The following PCDH7 variants were observed in gnomAD, a reference collection of about 807,000 sequenced individuals.
The protein encoded by PCDH7 is protocadherin 7.
Under a neutral mutation model 58.9 loss-of-function variants are expected in PCDH7, and 17 were observed. That is an observed-to-expected ratio of 0.29 (90% CI 0.20 to 0.43). The LOEUF (loss-of-function observed/expected upper bound fraction) is 0.43. Ranked by LOEUF, PCDH7 falls within the 20% of genes least tolerant of loss-of-function variation. PCDH7 has a pLI of 1.00. For missense variants in PCDH7, 1,274 were observed against 1,441.0 expected (o/e 0.88, Z 1.88); for synonymous variants, 664 against 616.4 (o/e 1.08, Z -1.14).
chr4:30,759,197 C>G (rs1414812360), intron 1 of PCDH7, among the ~76,000 whole-genome samples: 2 of 152,146 alleles, frequency 1.3e-5, no homozygotes, highest in Non-Finnish European at 2.9e-5. Context: ...CCGCCCTGGC[C>G]TCCCAAAGTG....
intron 1 of PCDH7, among the ~76,000 whole-genome samples, chr4:30,911,908 T>C (rs1741825802): frequency 6.6e-6 from 1 of 152,158 alleles, no homozygotes; most frequent in Admixed American, 6.6e-5. Flanking sequence ...TTAATATCAT[T>C]GTTTTGTTGC....
intron 1 of PCDH7, among the ~76,000 whole-genome samples, chr4:30,781,080 G>A (rs1258786566): frequency 6.6e-6 from 1 of 152,108 alleles, no homozygotes; most frequent in Non-Finnish European, 1.5e-5. Flanking sequence ...ATGGTGCTTT[G>A]TATTTCCTTC....
chr4:30,724,490 A>G (rs1470051849), exon 1 of PCDH7: 1 of 1,614,144 alleles, frequency 6.2e-7, no homozygotes, highest in Admixed American at 1.7e-5. Flanking sequence ...GCCGTACAAG[A>G]TCTACCACCA....
downstream of PCDH7, among the ~76,000 whole-genome samples, chr4:30,736,022 G>A (rs1424672077): frequency 2.0e-5 from 3 of 152,088 alleles, no homozygotes; most frequent in Non-Finnish European, 4.4e-5. Flanking sequence ...AGAAGAAAAA[G>A]GGGAAAAAGA....
At chr4:30,740,474 T>C (rs1242077165) in intron 1 of PCDH7, among the ~76,000 whole-genome samples, 1 of 152,172 alleles carries the variant, frequency 6.6e-6, no homozygotes. Flanking sequence ...TTTATTTCAA[T>C]ATTCTTCAAT....
intron 3 of PCDH7, among the ~76,000 whole-genome samples, chr4:31,066,056 C>T (rs183986391): frequency 8.6e-4 from 130 of 151,982 alleles, no homozygotes; most frequent in African/African-American, 3.1e-3. Context: ...TTCTATCACA[C>T]TAACCAATGA....
intron 3 of PCDH7, among the ~76,000 whole-genome samples, chr4:31,010,743 A>G (rs1753107255): frequency 6.6e-6 from 1 of 152,022 alleles, no homozygotes; most frequent in Non-Finnish European, 1.5e-5. Flanking sequence ...TTCAAAAACA[A>G]GGCAGGTAGG....
intron 2 of PCDH7, among the ~76,000 whole-genome samples, chr4:30,924,114 A>T: frequency 6.6e-6 from 1 of 152,164 alleles, no homozygotes; most frequent in East Asian, 1.9e-4. Flanking sequence ...CTTTAGGTCT[A>T]TTGTATTTAT....
At chr4:30,853,170 T>C (rs1732998355) in intron 1 of PCDH7, among the ~76,000 whole-genome samples, 1 of 152,078 alleles carries the variant, frequency 6.6e-6, no homozygotes, top group South Asian at 2.1e-4. Flanking sequence ...ACTAGGCCTT[T>C]GGAGTCAGAG....
At chr4:31,112,230 T>A (rs1463834092) in intron 3 of PCDH7, among the ~76,000 whole-genome samples, 1 of 152,184 alleles carries the variant, frequency 6.6e-6, no homozygotes, top group Non-Finnish European at 1.5e-5. Flanking sequence ...TGTCTTTCCT[T>A]AAGCAAACAA....
intron 3 of PCDH7, among the ~76,000 whole-genome samples, chr4:30,980,793 A>T (rs1405503306): frequency 6.6e-6 from 1 of 152,166 alleles, no homozygotes; most frequent in Non-Finnish European, 1.5e-5. Context: ...ACTAAATAGA[A>T]ATTTCTATCA....
intron 1 of PCDH7, among the ~76,000 whole-genome samples, chr4:30,823,301 C>CA (rs1188167458): frequency 3.3e-5 from 5 of 152,156 alleles, no homozygotes; most frequent in Admixed American, 3.3e-4. Flanking sequence ...TGGTATTTCT[C>CA]ATAGCTTGAC....
chr4:30,737,263 A>G (rs1039759784), downstream of PCDH7, among the ~76,000 whole-genome samples: 3 of 152,214 alleles, frequency 2.0e-5, no homozygotes, highest in Non-Finnish European at 4.4e-5. Flanking sequence ...TTGAAGCACT[A>G]AAGCAACTGA....
intron 3 of PCDH7, among the ~76,000 whole-genome samples, chr4:31,132,429 C>T (rs1475705169): frequency 1.3e-5 from 2 of 151,960 alleles, no homozygotes; most frequent in African/African-American, 4.8e-5. Flanking sequence ...AACATCCATT[C>T]CTGAAGGCAA....
At chr4:30,972,896 G>A (rs1035287415) in intron 3 of PCDH7, among the ~76,000 whole-genome samples, 1 of 152,074 alleles carries the variant, frequency 6.6e-6, no homozygotes, top group African/African-American at 2.4e-5. Context: ...CACCTTTCTT[G>A]CCATTGTGTT....
At chr4:30,950,664 A>G (rs1335923050) in intron 3 of PCDH7, among the ~76,000 whole-genome samples, 1 of 152,156 alleles carries the variant, frequency 6.6e-6, no homozygotes, top group Non-Finnish European at 1.5e-5. Context: ...TAATTATAAT[A>G]CTCATCTGGT....
chr4:30,965,025 C>T (rs1203081273), intron 3 of PCDH7, among the ~76,000 whole-genome samples: 1 of 152,146 alleles, frequency 6.6e-6, no homozygotes, highest in Middle Eastern at 3.2e-3. Flanking sequence ...ATGGCATGCT[C>T]TAGAATCCAT....
chr4:30,826,891 A>G (rs936031795), intron 1 of PCDH7, among the ~76,000 whole-genome samples: 8 of 151,788 alleles, frequency 5.3e-5, no homozygotes, highest in Non-Finnish European at 1.2e-4. Flanking sequence ...ATGCCCAGCT[A>G]ATTTCTGTAT....
At chr4:31,098,080 C>T (rs1292965958) in intron 3 of PCDH7, among the ~76,000 whole-genome samples, 7 of 152,124 alleles carry the variant, frequency 4.6e-5, no homozygotes, top group African/African-American at 1.4e-4. Context: ...TTAGGAAACA[C>T]GTTGCTTGTT....
Sources: allele counts gnomAD v4.1 joint callset (sites outside exome capture counted in the v4.1 genomes callset), GRCh38; gene constraint gnomAD v4.1.1; transcripts MANE v1.5; gene names NCBI Gene and HGNC (gene_info 2026-07-23, HGNC 2026-07-21).